The following LRP1B variants were observed in gnomAD, a reference collection of about 807,000 sequenced individuals.
The protein encoded by LRP1B is LDL receptor related protein 1B.
In LRP1B, 217 loss-of-function variants were observed where a neutral mutation model predicts 556.6. That is an observed-to-expected ratio of 0.39 (90% CI 0.35 to 0.44). The LOEUF (loss-of-function observed/expected upper bound fraction) is 0.44, where lower values mean the gene tolerates loss of function less well. Among genes scored for constraint, LRP1B ranks in the 20% least tolerant of loss-of-function variants. LRP1B has a pLI of 1.00. For missense variants in LRP1B, 5,053 were observed against 5,620.8 expected (o/e 0.90, Z 3.23); for synonymous variants, 2,047 against 1,865.8 (o/e 1.10, Z -2.50).
chr2:141,615,976 C>T (rs891478528), intron 2 of LRP1B, among the ~76,000 whole-genome samples: 4 of 152,054 alleles, frequency 2.6e-5, no homozygotes, highest in Non-Finnish European at 5.9e-5. Context: ...AACTGCCACC[C>T]AAATCCTCGT....
chr2:141,307,521 T>G (rs190118965), intron 3 of LRP1B, among the ~76,000 whole-genome samples: 9 of 152,312 alleles, frequency 5.9e-5, no homozygotes, highest in East Asian at 1.9e-4. Context: ...GAGTCTCTTA[T>G]AGGCAGCATA....
intron 21 of LRP1B, among the ~76,000 whole-genome samples, chr2:140,909,165 TATTA>T (rs904645642): frequency 3.3e-5 from 5 of 152,312 alleles, no homozygotes; most frequent in East Asian, 1.9e-4. Flanking sequence ...ACTGACTTCT[TATTA>T]ATTATCTTTT....
intron 79 of LRP1B, among the ~76,000 whole-genome samples, chr2:140,328,438 G>A (rs1680608669): frequency 6.7e-6 from 1 of 150,300 alleles, no homozygotes; most frequent in East Asian, 2.0e-4. Flanking sequence ...AGATCTACTA[G>A]TTCCCCAATT....
Position 141,678,494 on chromosome 2 carries a change from T to C in LRP1B, c.205+131785A>G, listed in dbSNP as rs544096397. 2.0e-5 allele frequency among the ~76,000 whole-genome samples: 3 copies of C among 152,308 alleles called. No homozygotes were observed. The South Asian group carries it at 6.2e-4, about 32-fold the overall frequency. On this transcript the variant is annotated intron_variant, in intron 2 of 90. Coordinates refer to ENST00000389484, the MANE Select transcript of LRP1B (RefSeq NM_018557.3). ...TCAATTAAGATGGGCTCGAAAAGCA[T>C]TCATCGAATTTGACAATATGAAAAT...
At chr2:140,740,478 G>A (rs1688099174) in intron 35 of LRP1B, among the ~76,000 whole-genome samples, 1 of 152,150 alleles carries the variant, frequency 6.6e-6, no homozygotes. Flanking sequence ...AAAGGCGTAA[G>A]AATGATACAT....
chr2:140,577,567 C>A (rs1259286980), intron 43 of LRP1B, among the ~76,000 whole-genome samples: 2 of 151,904 alleles, frequency 1.3e-5, no homozygotes, highest in Non-Finnish European at 2.9e-5. Context: ...CAGGTACGTG[C>A]CACCATGCTG....
In LRP1B at chr2:140,536,664, T is replaced by C. The variant is rs2105003789; in HGVS notation, c.7559A>G (p.Asn2520Ser). 1 of 1,610,940 alleles carries C rather than the reference T, an allele frequency of 6.2e-7. No individual in the cohort carries two copies. Among genetic ancestry groups the C allele is most frequent in the South Asian group, 1.1e-5 (1 of 90,630 alleles). The change falls in exon 46 of 91, where the codon AAT becomes AGT. Residue 2520 changes from asparagine to serine, a missense_variant. Physicochemically the swap from Asn to Ser is conservative, Grantham distance 46 (BLOSUM62 1). This residue lies in a region of LRP1B where 3,619 missense variants were observed against 3,931.9 expected (regional missense o/e 0.92). Coordinates refer to ENST00000389484, the MANE Select transcript of LRP1B (RefSeq NM_018557.3). ...GAGCTGGTAGTCAATGCACTCACCA[T>C]TTCCACATTCAAACTCCGAATAAGC... ...CNAYSEFECG[N>S]GECIDYQLTC...
chr2:141,154,636 A>AT lies in LRP1B; in HGVS notation c.1013+33784dup, dbSNP rs201287219. Among the ~76,000 whole-genome samples the AT allele has an allele frequency of 3.9e-3, 595 of 151,054 alleles. 6 individuals carry two copies. The highest frequency in any genetic ancestry group is 0.013 in the African/African-American group (552 of 41,272). The stretch of plus-strand genomic sequence containing the variant: ...CTTATTTTATCAGAATGTTTTCTAG[A>AT]TTTTTTTTTCATTTATGCATTTGGA... On this transcript the variant is annotated intron_variant, in intron 7 of 90. Coordinates refer to ENST00000389484, the MANE Select transcript of LRP1B (RefSeq NM_018557.3).
intron 1 of LRP1B, among the ~76,000 whole-genome samples, chr2:142,027,018 T>C (rs1703530473): frequency 1.3e-5 from 2 of 152,020 alleles, no homozygotes; most frequent in African/African-American, 2.4e-5. Flanking sequence ...ATCTATTCAC[T>C]TGTAGCAGCT....
chr2:140,576,242 A>G (rs1681520609), intron 43 of LRP1B, among the ~76,000 whole-genome samples: 1 of 152,170 alleles, frequency 6.6e-6, no homozygotes, highest in African/African-American at 2.4e-5. Flanking sequence ...TTCTAACTCT[A>G]GACTTTGCTC....
At chr2:141,183,393 A>C (rs1308938080) in intron 7 of LRP1B, among the ~76,000 whole-genome samples, 1 of 152,056 alleles carries the variant, frequency 6.6e-6, no homozygotes, top group Non-Finnish European at 1.5e-5. Context: ...ATAGCTGTTA[A>C]CTTTGATTCA....
At chr2:141,529,485 A>G (rs1252584482) in intron 2 of LRP1B, among the ~76,000 whole-genome samples, 1 of 152,186 alleles carries the variant, frequency 6.6e-6, no homozygotes. Context: ...AGATTATTAT[A>G]TGTTACACAT....
Position 140,908,049 on chromosome 2 carries a change from A to G in LRP1B, c.3348T>C (p.Cys1116=). ...GATCTTCGCAATCAATATCTCCATC[A>G]CACACCCATGCTTTGTTGATGCATC... ...TGRCINKAWV[C]DGDIDCEDQS... The change falls in exon 22 of 91, where the codon TGT becomes TGC. Residue 1116 remains cysteine (C), a synonymous_variant. Transcript: ENST00000389484. 1 of 1,613,268 alleles carries G rather than the reference A, an allele frequency of 6.2e-7. No homozygotes were observed. Among genetic ancestry groups the G allele is most frequent in the Non-Finnish European group, 8.5e-7 (1 of 1,179,558 alleles).
At chr2:140,454,457 C>A (rs1210913952) in intron 62 of LRP1B, among the ~76,000 whole-genome samples, 1 of 152,074 alleles carries the variant, frequency 6.6e-6, no homozygotes, top group Non-Finnish European at 1.5e-5. Flanking sequence ...GGGCAATTAA[C>A]TTTTTCCTTG....
chr2:140,928,596 C>T (rs1180077771), intron 20 of LRP1B, among the ~76,000 whole-genome samples: 2 of 152,094 alleles, frequency 1.3e-5, no homozygotes, highest in African/African-American at 4.8e-5. Context: ...TAGCATAGGG[C>T]CCCATCTTAT....
chr2:140,834,065 AAAC>A (rs1399734396), intron 31 of LRP1B, among the ~76,000 whole-genome samples: 1 of 152,164 alleles, frequency 6.6e-6, no homozygotes, highest in African/African-American at 2.4e-5. Context: ...GAAAAGCATA[AAAC>A]AACATTTTAT....
chr2:141,923,446 ATGTGTGTGTGTGTGTG>A (rs56356725), intron 1 of LRP1B, among the ~76,000 whole-genome samples: 5 of 81,752 alleles, frequency 6.1e-5, no homozygotes, highest in African/African-American at 1.4e-4. Flanking sequence ...TTATATATAT[ATGTGTGTGTGTGTGTG>A]TGTGTGTGTG....
At chr2:141,196,570 T>C (rs1040426868) in intron 6 of LRP1B, among the ~76,000 whole-genome samples, 14 of 152,112 alleles carry the variant, frequency 9.2e-5, no homozygotes, top group African/African-American at 3.1e-4. Context: ...CTTCCTTCCT[T>C]GAACAAGTTT....
At chr2:141,584,589 T>C (rs1455357050) in intron 2 of LRP1B, among the ~76,000 whole-genome samples, 1 of 152,180 alleles carries the variant, frequency 6.6e-6, no homozygotes, top group Non-Finnish European at 1.5e-5. Context: ...AGTTGTATAA[T>C]CCAAATTACC....
Sources: allele counts gnomAD v4.1 joint callset (sites outside exome capture counted in the v4.1 genomes callset), GRCh38; gene constraint gnomAD v4.1.1; regional missense constraint gnomAD v4.1.1; transcripts MANE v1.5; gene names NCBI Gene and HGNC (gene_info 2026-07-23, HGNC 2026-07-21).